The following CYB5R3 variants were observed in gnomAD, a reference collection of about 807,000 sequenced individuals.
The protein encoded by CYB5R3 is NADH-cytochrome b5 reductase 3.
In CYB5R3, 28 loss-of-function variants were observed where a neutral mutation model predicts 36.5. The observed-to-expected ratio is 0.77, with a 90% CI of 0.57 to 1.05. CYB5R3 has a LOEUF of 1.05. Ranked by LOEUF, CYB5R3 falls within the 50% of genes least tolerant of loss-of-function variation. The pLI is 0.00. For synonymous variants in CYB5R3, 181 were observed against 159.8 expected, an observed-to-expected ratio of 1.13 and a Z score of -1.00; for missense variants, 474 against 408.9, an observed-to-expected ratio of 1.16 and a Z score of -1.37.
intron 1 of CYB5R3, 21 bp from the exon 2 acceptor site, chr22:42,636,867 G>A (rs1189253542): frequency 9.3e-6 from 15 of 1,611,242 alleles, no homozygotes; most frequent in East Asian, 2.2e-5. Context: ...AGGACCCGCG[G>A]GGTCAGTGCA....
intron 1 of CYB5R3, chr22:42,644,315 C>T (rs1247016184): frequency 1.5e-6 from 1 of 688,766 alleles, no homozygotes; most frequent in Non-Finnish European, 2.7e-6. Context: ...GGCTCCACCC[C>T]TCCTCAAATA....
chr22:42,621,594 G>A (rs115277853), intron 8 of CYB5R3, among the ~76,000 whole-genome samples: 1 of 152,376 alleles, frequency 6.6e-6, no homozygotes, highest in African/African-American at 2.4e-5. Context: ...GTGGGTCACA[G>A]TGGCAACAAA....
chr22:42,621,183 A>AGTGTGTGTGTGTGTGTGTGTGT (rs61564405), intron 8 of CYB5R3, among the ~76,000 whole-genome samples: 8 of 147,716 alleles, frequency 5.4e-5, no homozygotes, highest in Non-Finnish European at 1.1e-4. Flanking sequence ...ATTTCTTTTT[A>AGTGTGTGTGTGTGTGTGTGTGT]GTGTGTGTGT....
chr22:42,636,575 G>A, intron 2 of CYB5R3, 140 bp downstream of exon 2: 8 of 1,377,514 alleles, frequency 5.8e-6, no homozygotes, highest in Non-Finnish European at 7.9e-6. Context: ...GCCTTAGCAA[G>A]AGACATCACC....
intron 1 of CYB5R3, among the ~76,000 whole-genome samples, chr22:42,642,172 C>T (rs965747866): frequency 1.3e-5 from 2 of 151,092 alleles, no homozygotes; most frequent in Non-Finnish European, 2.9e-5. Context: ...AATGCAGTGG[C>T]GTGATCTCAG....
At chr22:42,644,751 G>C in intron 1 of CYB5R3, 1 of 673,222 alleles carries the variant, frequency 1.5e-6, no homozygotes, top group African/African-American at 2.0e-5. Flanking sequence ...ATTGTTGGGG[G>C]CCCTGGCAAT....
At position 42,619,655 on chromosome 22, in the gene CYB5R3, G is replaced by A. The variant is rs758411657; in HGVS notation, c.*118C>T. 2.1e-5 allele frequency: 20 copies of A among 967,896 alleles called. No individual in the cohort carries two copies. The highest frequency in any genetic ancestry group is 2.8e-5 in the Non-Finnish European group (18 of 653,074). The allele number at this position is 967,896 out of a possible 1,614,324, so 60.0% of individuals were successfully genotyped here. ...CTGCTCAGCCAGGTGATTCACCAGG[G>A]CACGGGCAGGCCAGGCTGAACCCGG... On this transcript the variant is annotated 3_prime_UTR_variant, in exon 9 of 9. Transcript: ENST00000352397.
Position 42,623,477 on chromosome 22 carries a change from C to T in CYB5R3, c.733+312G>A, listed in dbSNP as rs184171111. On this transcript the variant is annotated intron_variant, in intron 8 of 8. Coordinates refer to ENST00000352397, the MANE Select transcript of CYB5R3 (RefSeq NM_000398.7). The stretch of plus-strand genomic sequence containing the variant: ...GCCACCGCTGCCCCGAGACTTGCCC[C>T]GAAGTGAGCCCCGCCCAGGGAGGGG... Among the ~76,000 whole-genome samples, 284 of 152,346 alleles carry T rather than the reference C, an allele frequency of 1.9e-3. 1 individual carries two copies. The highest frequency in any genetic ancestry group is 6.2e-3 in the African/African-American group (257 of 41,582).
In CYB5R3 at chr22:42,649,284, T is replaced by G. The variant is rs898178631; in HGVS notation, c.21+11A>C. 1.0e-6 allele frequency: 1 copy of G among 981,488 alleles called. No homozygotes were observed. The highest frequency in any genetic ancestry group is 4.4e-5 in the South Asian group (1 of 22,850). The allele number at this position is 981,488 out of a possible 1,614,324, so 60.8% of individuals were successfully genotyped here. ...GACGCCCCGCGGCCCCGGCGCCCCC[T>G]CCCCGCCTACCGTGCTGAGCTGGGC... On this transcript the variant is annotated intron_variant, in intron 1 of 8. Transcript: ENST00000352397.
chr22:42,632,101 A>C (rs756435720), intron 2 of CYB5R3: 56 of 155,206 alleles, frequency 3.6e-4, no homozygotes, highest in Non-Finnish European at 7.0e-4. Context: ...TAAGAGCCAG[A>C]TTGGGCCAGG....
chr22:42,622,883 G>T (rs886772130), intron 8 of CYB5R3, among the ~76,000 whole-genome samples: 3 of 152,216 alleles, frequency 2.0e-5, no homozygotes, highest in Admixed American at 1.3e-4. Context: ...TGCTCACACG[G>T]GTATTCAAAA....
chr22:42,628,345 C>T, intron 4 of CYB5R3, 64 bp from the exon 5 acceptor site: 1 of 1,600,288 alleles, frequency 6.2e-7, no homozygotes, highest in East Asian at 2.3e-5. Flanking sequence ...CTCTTGCCCA[C>T]AGTGGGAGAC....
intron 1 of CYB5R3, among the ~76,000 whole-genome samples, chr22:42,645,979 C>A (rs1255691983): frequency 6.6e-6 from 1 of 152,190 alleles, no homozygotes; most frequent in African/African-American, 2.4e-5. Context: ...GCACCACAGC[C>A]AGGAGCAGTG....
intron 1 of CYB5R3, among the ~76,000 whole-genome samples, chr22:42,642,731 C>T (rs892813004): frequency 6.6e-6 from 1 of 152,238 alleles, no homozygotes; most frequent in Non-Finnish European, 1.5e-5. Flanking sequence ...AGCCACCTCG[C>T]CCGGCCAGTA....
chr22:42,638,836 C>T lies in CYB5R3; in HGVS notation c.22-1990G>A, dbSNP rs192943304. ...TCATCTGAGGTCAGGAGTTCAAGACCAGCCTGGCTAACATCGTGAAACCCA... is the reference window on the plus strand; with the variant it reads ...TCATCTGAGGTCAGGAGTTCAAGACTAGCCTGGCTAACATCGTGAAACCCA... On this transcript the variant is annotated intron_variant, in intron 1 of 8. Transcript: ENST00000352397. 3.6e-4 allele frequency among the ~76,000 whole-genome samples: 54 copies of T among 150,676 alleles called. 1 individual carries two copies. The highest frequency in any genetic ancestry group is 1.3e-3 in the African/African-American group (52 of 40,882).
chr22:42,641,108 G>A (rs957664572), intron 1 of CYB5R3, among the ~76,000 whole-genome samples: 2 of 151,926 alleles, frequency 1.3e-5, no homozygotes, highest in African/African-American at 4.8e-5. Context: ...TCCTGCCTCG[G>A]CCTCCCAAAG....
chr22:42,643,107 C>G (rs1433803707), intron 1 of CYB5R3, among the ~76,000 whole-genome samples: 1 of 152,174 alleles, frequency 6.6e-6, no homozygotes, highest in Non-Finnish European at 1.5e-5. Flanking sequence ...AGGTAAGATG[C>G]TCCTAACCTC....
intron 4 of CYB5R3, among the ~76,000 whole-genome samples, chr22:42,630,148 C>A (rs925676052): frequency 1.3e-5 from 2 of 152,160 alleles, no homozygotes; most frequent in African/African-American, 4.8e-5. Flanking sequence ...GGCCGTCATG[C>A]TGCCTCTTAC....
intron 1 of CYB5R3, among the ~76,000 whole-genome samples, chr22:42,642,628 C>T (rs1461523241): frequency 1.3e-5 from 2 of 152,040 alleles, no homozygotes; most frequent in African/African-American, 2.4e-5. Context: ...TTAGTAGAGA[C>T]GGGGTTTCAC....
Sources: allele counts gnomAD v4.1 joint callset (sites outside exome capture counted in the v4.1 genomes callset), GRCh38; gene constraint gnomAD v4.1.1; transcripts MANE v1.5; gene names NCBI Gene and HGNC (gene_info 2026-07-23, HGNC 2026-07-21).